The following KCND2 variants were observed in gnomAD, a reference collection of about 807,000 sequenced individuals.
KCND2 encodes A-type voltage-gated potassium channel KCND2.
A neutral mutation model predicts 54.4 loss-of-function variants in KCND2; 16 were observed. The ratio of observed to expected loss-of-function variants is 0.29; its 90% CI spans 0.20 to 0.45. KCND2 has a LOEUF of 0.45. KCND2 is among the 20% of genes least tolerant of loss of function. The pLI, the probability that KCND2 is intolerant of heterozygous loss-of-function variation, is 1.00. For synonymous variants in KCND2, 317 were observed against 310.7 expected, an observed-to-expected ratio of 1.02 and a Z score of -0.21; for missense variants, 486 against 824.2, an observed-to-expected ratio of 0.59 and a Z score of 5.02.
At chr7:120,457,656 A>G (rs1412369507) in intron 1 of KCND2, among the ~76,000 whole-genome samples, 4 of 152,214 alleles carry the variant, frequency 2.6e-5, no homozygotes, top group African/African-American at 9.6e-5. Context: ...AAACTTTCCT[A>G]CATCTTCCTG....
intron 1 of KCND2, among the ~76,000 whole-genome samples, chr7:120,295,393 GACAC>G (rs371319816): frequency 2.2e-4 from 14 of 64,914 alleles, no homozygotes; most frequent in African/African-American, 6.9e-4. Flanking sequence ...CACACACACA[GACAC>G]ACACACACAC....
chr7:120,729,323 G>A (rs77819143), intron 1 of KCND2, among the ~76,000 whole-genome samples: 1,661 of 152,178 alleles, frequency 0.011, 24 homozygotes, highest in African/African-American at 0.032. Flanking sequence ...CAACATATTC[G>A]AATAGTGAGA....
At chr7:120,335,353 ATC>A in intron 1 of KCND2, among the ~76,000 whole-genome samples, 1 of 54,926 alleles carries the variant, frequency 1.8e-5, no homozygotes. Context: ...GCAAGACTCT[ATC>A]AAAAAAAAAA....
chr7:120,433,286 G>T (rs1166751674), intron 1 of KCND2, among the ~76,000 whole-genome samples: 2 of 152,196 alleles, frequency 1.3e-5, no homozygotes, highest in East Asian at 3.9e-4. Flanking sequence ...ATAGATAAAA[G>T]ATGGAACAGT....
chr7:120,382,280 T>C (rs1347247888), intron 1 of KCND2, among the ~76,000 whole-genome samples: 1 of 151,890 alleles, frequency 6.6e-6, no homozygotes, highest in African/African-American at 2.4e-5. Context: ...AGATACTGAA[T>C]AGGACACGTA....
intron 1 of KCND2, among the ~76,000 whole-genome samples, chr7:120,362,166 C>A (rs995100115): frequency 2.6e-5 from 4 of 152,098 alleles, no homozygotes; most frequent in Non-Finnish European, 4.4e-5. Flanking sequence ...AGAGCTGCTG[C>A]AAAATCTTAA....
chr7:120,471,410 GAGA>G (rs1703607905), intron 1 of KCND2, among the ~76,000 whole-genome samples: 1 of 152,044 alleles, frequency 6.6e-6, no homozygotes, highest in Admixed American at 6.6e-5. Flanking sequence ...TGTGTAATTG[GAGA>G]AGAAGATTTT....
intron 1 of KCND2, among the ~76,000 whole-genome samples, chr7:120,587,530 AT>A (rs550527921): frequency 1.1e-3 from 165 of 150,580 alleles, no homozygotes; most frequent in African/African-American, 1.9e-3. Context: ...GACTTACAGG[AT>A]TTTTTTTTTC....
intron 1 of KCND2, among the ~76,000 whole-genome samples, chr7:120,539,537 C>T (rs1022844764): frequency 6.6e-6 from 1 of 152,142 alleles, no homozygotes; most frequent in Non-Finnish European, 1.5e-5. Context: ...TTGCTGGCGT[C>T]CCTCCTGGAA....
intron 1 of KCND2, among the ~76,000 whole-genome samples, chr7:120,593,162 A>G (rs1792692346): frequency 6.6e-6 from 1 of 152,232 alleles, no homozygotes; most frequent in South Asian, 2.1e-4. Flanking sequence ...GCACTAACAC[A>G]AAAATGAAAG....
chr7:120,488,391 G>A (rs1181821226), intron 1 of KCND2, among the ~76,000 whole-genome samples: 4 of 152,020 alleles, frequency 2.6e-5, no homozygotes, highest in Non-Finnish European at 5.9e-5. Flanking sequence ...CTATAGATTT[G>A]TTTTGTTTTG....
intron 1 of KCND2, among the ~76,000 whole-genome samples, chr7:120,611,521 G>A (rs1370480914): frequency 6.6e-6 from 1 of 152,118 alleles, no homozygotes; most frequent in Non-Finnish European, 1.5e-5. Context: ...TTAGAGTAGG[G>A]GTGAAGGGTG....
At chr7:120,533,112 T>C (rs1170298524) in intron 1 of KCND2, among the ~76,000 whole-genome samples, 1 of 152,106 alleles carries the variant, frequency 6.6e-6, no homozygotes, top group African/African-American at 2.4e-5. Flanking sequence ...CACTGCCCAC[T>C]TTCAAAACCT....
At chr7:120,453,882 C>T (rs1014280638) in intron 1 of KCND2, among the ~76,000 whole-genome samples, 7 of 152,060 alleles carry the variant, frequency 4.6e-5, no homozygotes, top group Non-Finnish European at 7.4e-5. Context: ...GTCACGAGAT[C>T]GAGACCATCC....
chr7:120,742,920 A>AT (rs1213332240), intron 4 of KCND2, among the ~76,000 whole-genome samples: 1 of 152,198 alleles, frequency 6.6e-6, no homozygotes, highest in Non-Finnish European at 1.5e-5. Flanking sequence ...ATTTTCTGTG[A>AT]TTCTTAAAAT....
Position 120,275,301 on chromosome 7 carries a change from G to A in KCND2, c.669G>A (p.Glu223=). 1 of 1,613,890 alleles carries A rather than the reference G, an allele frequency of 6.2e-7. No individual in the cohort carries two copies. Among genetic ancestry groups the A allele is most frequent in the Non-Finnish European group, 8.5e-7 (1 of 1,179,990 alleles). ...PGHIKELPCG[E]RYAVAFFCLD... ...ACATTAAAGAACTGCCCTGTGGAGA[G>A]CGGTATGCTGTGGCCTTCTTCTGCT... The change falls in exon 1 of 6, where the codon GAG becomes GAA. Residue 223 remains glutamate (E), a synonymous_variant. Transcript: ENST00000331113.
intron 1 of KCND2, among the ~76,000 whole-genome samples, chr7:120,650,426 A>C (rs907838954): frequency 1.1e-4 from 16 of 142,596 alleles, no homozygotes; most frequent in Admixed American, 1.1e-3. Flanking sequence ...GAAGCTGTGC[A>C]TTTGTCGTGT....
intron 1 of KCND2, among the ~76,000 whole-genome samples, chr7:120,396,489 C>A (rs1801157340): frequency 6.6e-6 from 1 of 151,894 alleles, no homozygotes; most frequent in Non-Finnish European, 1.5e-5. Context: ...AGACTTTATT[C>A]TTTGGTTTCT....
chr7:120,667,318 T>C (rs1791939290), intron 1 of KCND2, among the ~76,000 whole-genome samples: 1 of 152,218 alleles, frequency 6.6e-6, no homozygotes, highest in Non-Finnish European at 1.5e-5. Context: ...CAGAAAATTG[T>C]AGATACATGT....
Sources: gnomAD v4.1 joint callset for allele counts (sites outside exome capture counted in the v4.1 genomes callset) on GRCh38, gnomAD v4.1.1 for gene constraint, MANE v1.5 for transcripts, NCBI Gene and HGNC (gene_info 2026-07-23, HGNC 2026-07-21) for gene names.